PCDHA3: variants seen among roughly 807,000 people sequenced by gnomAD.
The protein encoded by PCDHA3 is protocadherin alpha-3.
Under a neutral mutation model 62.2 loss-of-function variants are expected in PCDHA3, and 41 were observed. That is an observed-to-expected ratio of 0.66 (90% CI 0.51 to 0.86). The LOEUF (loss-of-function observed/expected upper bound fraction) is 0.86. Among genes scored for constraint, PCDHA3 ranks in the 40% least tolerant of loss-of-function variants. The pLI is 0.00. For missense variants in PCDHA3, 1,304 were observed against 1,241.2 expected, an observed-to-expected ratio of 1.05 and a Z score of -0.76; for synonymous variants, 640 against 555.4, an observed-to-expected ratio of 1.15 and a Z score of -2.14.
intron 1 of PCDHA3, chr5:140,877,106 TG>T: frequency 6.2e-7 from 1 of 1,613,554 alleles, no homozygotes. Flanking sequence ...GTGCCGCCTC[TG>T]GGCAGCAACG....
At chr5:140,984,634 C>G (rs540344154) in intron 3 of PCDHA3, among the ~76,000 whole-genome samples, 4 of 152,298 alleles carry the variant, frequency 2.6e-5, no homozygotes, top group African/African-American at 9.6e-5. Context: ...AAGGGATTCT[C>G]TGCCTTCTCC....
intron 2 of PCDHA3, among the ~76,000 whole-genome samples, chr5:140,979,837 C>T (rs1554241124): frequency 6.6e-6 from 1 of 152,188 alleles, no homozygotes; most frequent in Non-Finnish European, 1.5e-5. Flanking sequence ...AAGAAATAAT[C>T]TTCAAACTTA....
intron 1 of PCDHA3, chr5:140,848,326 C>T (rs1554142056): frequency 2.5e-6 from 2 of 808,244 alleles, no homozygotes; most frequent in African/African-American, 3.4e-5. Flanking sequence ...GATGTTCTCT[C>T]TGAATCCAGA....
chr5:140,852,737 C>T (rs980998080), intron 1 of PCDHA3: 2 of 983,692 alleles, frequency 2.0e-6, no homozygotes, highest in Non-Finnish European at 1.2e-6. Flanking sequence ...GTTTCATGTG[C>T]CATTTAAACT....
chr5:140,834,368 A>C (rs2150215878), intron 1 of PCDHA3: 10 of 1,555,242 alleles, frequency 6.4e-6, no homozygotes, highest in African/African-American at 1.4e-5. Flanking sequence ...CTAGAAAAAC[A>C]AGCCAATAAT....
At chr5:140,805,481 G>A (rs781826032) in intron 1 of PCDHA3, 41 of 996,848 alleles carry the variant, frequency 4.1e-5, no homozygotes, top group Middle Eastern at 5.0e-4. Context: ...AATAGAGAGG[G>A]AGCGTAAAGC....
chr5:140,952,444 A>C (rs2094747203), intron 1 of PCDHA3, among the ~76,000 whole-genome samples: 2 of 152,178 alleles, frequency 1.3e-5, no homozygotes. Flanking sequence ...GGCATAATAC[A>C]GCCAGGCTCT....
intron 1 of PCDHA3, chr5:140,835,520 T>C (rs2150237441): frequency 5.6e-6 from 9 of 1,613,956 alleles, no homozygotes; most frequent in Non-Finnish European, 6.8e-6. Flanking sequence ...ACCGAGATTT[T>C]GGAGTCAACG....
rs782410675 is a variant in PCDHA3 at position 140,884,460 on chromosome 5, C to G, written c.2394+80869C>G. On this transcript the variant is annotated intron_variant, in intron 1 of 3. Coordinates refer to ENST00000522353, the MANE Select transcript of PCDHA3 (RefSeq NM_018906.3). ...TGCTCGGCACCGCCCACCGAGGGCGCGTGCGCGCCGGGCAAGCCCACTCTA... is the reference window on the plus strand; with the variant it reads ...TGCTCGGCACCGCCCACCGAGGGCGGGTGCGCGCCGGGCAAGCCCACTCTA... The G allele has an allele frequency of 2.5e-6, 4 of 1,613,614 alleles. No individual in the cohort carries two copies. Among genetic ancestry groups the G allele is most frequent in the Non-Finnish European group, 2.5e-6 (3 of 1,179,818 alleles).
chr5:140,871,695 T>C (rs1250599377), intron 1 of PCDHA3: 7 of 974,792 alleles, frequency 7.2e-6, no homozygotes, highest in Non-Finnish European at 8.8e-6. Flanking sequence ...CTGGCTTCTT[T>C]AACCAATAAA....
chr5:140,836,541 G>A (rs2150263508), intron 1 of PCDHA3: 2 of 1,613,818 alleles, frequency 1.2e-6, no homozygotes, highest in Non-Finnish European at 1.7e-6. Context: ...GCTGTACACG[G>A]CGTTGCGGTG....
chr5:140,966,767 A>G, intron 1 of PCDHA3: 1 of 1,484,362 alleles, frequency 6.7e-7, no homozygotes, highest in Non-Finnish European at 8.9e-7. Context: ...GCCAGTGGCT[A>G]TGGAGCAGGC....
chr5:140,982,705 T>A, intron 3 of PCDHA3, 142 bp downstream of exon 3: 1 of 1,376,850 alleles, frequency 7.3e-7, no homozygotes, highest in Non-Finnish European at 9.5e-7. Flanking sequence ...CATGATTTCC[T>A]TACATATATG....
chr5:140,803,183 G>A lies in PCDHA3; in HGVS notation c.1986G>A (p.Thr662=). 6.2e-7 allele frequency: 1 copy of A among 1,613,910 alleles called. No individual in the cohort carries two copies. Among genetic ancestry groups the A allele is most frequent in the Non-Finnish European group, 8.5e-7 (1 of 1,179,946 alleles). The change falls in exon 1 of 4, where the codon ACG becomes ACA. Residue 662 remains threonine (T), a synonymous_variant. Coordinates refer to ENST00000522353, the MANE Select transcript of PCDHA3 (RefSeq NM_018906.3). ...ACGGTGAACCCTCATTGACCGCCAC[G>A]GCCACTGTGCTGGTGTCGCTGGTGG... The part of the protein sequence containing the change: ...KDHGEPSLTA[T]ATVLVSLVES...
In PCDHA3 at chr5:140,829,836, C is replaced by T. The variant is rs2150175782; in HGVS notation, c.2394+26245C>T. ...GGTGGTGCAGTGAGCGAGCTGGTGC[C>T]GCGGTCACTGGGTGCAGGCCAAGTG... On this transcript the variant is annotated intron_variant, in intron 1 of 3. Coordinates refer to ENST00000522353, the MANE Select transcript of PCDHA3 (RefSeq NM_018906.3). The T allele has an allele frequency of 1.7e-5, 27 of 1,613,772 alleles. No homozygotes were observed. Among genetic ancestry groups the T allele is most frequent in the Non-Finnish European group, 2.3e-5 (27 of 1,179,892 alleles).
chr5:140,884,802 A>G, intron 1 of PCDHA3: 1 of 1,232,140 alleles, frequency 8.1e-7, no homozygotes, highest in Non-Finnish European at 1.1e-6. Flanking sequence ...GAATTTAACA[A>G]CTCTGCTGTG....
intron 1 of PCDHA3, among the ~76,000 whole-genome samples, chr5:140,941,795 T>G (rs1175900170): frequency 5.9e-5 from 9 of 152,226 alleles, no homozygotes; most frequent in Admixed American, 2.6e-4. Flanking sequence ...CCAAGAATAT[T>G]TAGTTGATTT....
rs782414359 is a variant in PCDHA3, at chr5:140,802,121, A to G, written c.924A>G (p.Ile308Met). Residue 308 changes from isoleucine (I) to methionine (M), a missense_variant, in exon 1 of 4, where the codon ATA becomes ATG. Ile to Met is a conservative substitution (Grantham distance 10). Transcript: ENST00000522353. ...VNGQISVKGN[I>M]DFEESKSYEI... ...GACAAATCAGTGTAAAGGGTAACAT[A>G]GATTTCGAGGAAAGTAAGTCATATG... The G allele has an allele frequency of 1.4e-5, 23 of 1,614,132 alleles. No individual in the cohort carries two copies. The Admixed American group carries it at 3.5e-4, about 25-fold the overall frequency.
At chr5:140,855,753 G>C (rs1461376517) in intron 1 of PCDHA3, 1 of 333,040 alleles carries the variant, frequency 3.0e-6, no homozygotes, top group African/African-American at 2.1e-5. Flanking sequence ...GTGAGGCTTT[G>C]AAAGTCCATA....
Sources: gnomAD v4.1 joint callset for allele counts (sites outside exome capture counted in the v4.1 genomes callset) on GRCh38, gnomAD v4.1.1 for gene constraint, MANE v1.5 for transcripts, NCBI Gene and HGNC (gene_info 2026-07-23, HGNC 2026-07-21) for gene names.